The following CAPN7 variants were observed in gnomAD, a reference collection of about 807,000 sequenced individuals.
CAPN7 encodes calpain-7.
CAPN7 carries 72 observed loss-of-function variants against 115.2 expected under a neutral mutation model. The ratio of observed to expected loss-of-function variants is 0.63; its 90% CI spans 0.52 to 0.76. CAPN7 has a LOEUF of 0.76. Ranked by LOEUF, CAPN7 falls within the 30% of genes least tolerant of loss-of-function variation. CAPN7 has a pLI of 0.00. For missense variants in CAPN7, 905 were observed against 971.5 expected (o/e 0.93, Z 0.91); for synonymous variants, 344 against 322.3 (o/e 1.07, Z -0.72).
chr3:15,216,429 C>G (rs923840191), intron 2 of CAPN7, among the ~76,000 whole-genome samples: 24 of 152,194 alleles, frequency 1.6e-4, no homozygotes, highest in Non-Finnish European at 2.8e-4. Flanking sequence ...TGAATGCCAT[C>G]TTTGGAGAAA....
intron 19 of CAPN7, among the ~76,000 whole-genome samples, chr3:15,248,179 A>T (rs988770187): frequency 4.6e-5 from 7 of 152,012 alleles, no homozygotes; most frequent in African/African-American, 7.2e-5. Context: ...GTATAATAAA[A>T]AAATAAATAA....
At chr3:15,210,041 C>T (rs1363708826) in intron 1 of CAPN7, among the ~76,000 whole-genome samples, 2 of 152,140 alleles carry the variant, frequency 1.3e-5, no homozygotes, top group Non-Finnish European at 2.9e-5. Context: ...CATTCTGTCA[C>T]CCAGGCTGGC....
intron 17 of CAPN7, chr3:15,246,454 A>G (rs1695663644): frequency 2.7e-6 from 1 of 376,638 alleles, no homozygotes; most frequent in African/African-American, 2.2e-5. Flanking sequence ...GATGAAAGGG[A>G]CATTGGGAGC....
At chr3:15,213,715 ATTATTC>A (rs2045078816) in intron 2 of CAPN7, among the ~76,000 whole-genome samples, 1 of 152,184 alleles carries the variant, frequency 6.6e-6, no homozygotes, top group South Asian at 2.1e-4. Flanking sequence ...AATTTTAAAA[ATTATTC>A]TTACTTTATA....
Position 15,223,527 on chromosome 3 carries a change from C to T in CAPN7, c.691C>T (p.Leu231=). The T allele has an allele frequency of 6.2e-7, 1 of 1,606,346 alleles. No homozygotes were observed. The highest frequency in any genetic ancestry group is 8.5e-7 in the Non-Finnish European group (1 of 1,176,532). Residue 231 remains leucine, a synonymous_variant, in exon 6 of 21, where the codon CTG becomes TTG. Transcript: ENST00000253693. ...ATATGTTCCTTTCATGAATGTTGAC[C>T]TGAGAGAACGTTTTGCCTATCCAAT... The part of the protein sequence containing the change: ...IEYVPFMNVD[L]RERFAYPMPF...
chr3:15,228,005 A>T, intron 7 of CAPN7, 40 bp downstream of exon 7: 1 of 1,359,200 alleles, frequency 7.4e-7, no homozygotes, highest in Non-Finnish European at 9.6e-7. Flanking sequence ...AAAAGTCAGC[A>T]TTTTAAAGTA....
chr3:15,238,461 T>C (rs977415431), intron 12 of CAPN7, among the ~76,000 whole-genome samples: 1 of 152,102 alleles, frequency 6.6e-6, no homozygotes, highest in Non-Finnish European at 1.5e-5. Flanking sequence ...TTCAAGCATT[T>C]ATCTCTAGGA....
At chr3:15,230,950 A>G (rs1301185350) in intron 9 of CAPN7, among the ~76,000 whole-genome samples, 2 of 152,216 alleles carry the variant, frequency 1.3e-5, no homozygotes, top group Non-Finnish European at 2.9e-5. Context: ...ATATATATGC[A>G]TAATTTTAAT....
chr3:15,230,292 C>CA (rs778905396), intron 8 of CAPN7, 150 bp from the exon 9 acceptor site: 10 of 487,530 alleles, frequency 2.1e-5, no homozygotes, highest in Non-Finnish European at 3.8e-5. Context: ...GGGTGTAGTT[C>CA]ATTTTCTAGG....
intron 1 of CAPN7, among the ~76,000 whole-genome samples, chr3:15,208,395 C>T (rs887941423): frequency 1.3e-5 from 2 of 151,688 alleles, no homozygotes; most frequent in African/African-American, 4.8e-5. Context: ...TCAAGCAATC[C>T]TCCTGCCTCA....
At chr3:15,220,687 A>T (rs1242748862) in intron 4 of CAPN7, 94 bp from the exon 5 acceptor site, 11 of 1,018,556 alleles carry the variant, frequency 1.1e-5, no homozygotes, top group African/African-American at 1.6e-5. Context: ...TACATTAGGG[A>T]TGCTTGACTG....
intron 7 of CAPN7, among the ~76,000 whole-genome samples, 195 bp from the exon 8 acceptor site, chr3:15,228,779 A>C (rs1435999433): frequency 1.3e-5 from 2 of 152,176 alleles, no homozygotes; most frequent in Non-Finnish European, 2.9e-5. Context: ...TGGGTGTTGA[A>C]ATAATATGTA....
chr3:15,236,219 A>C (rs1559404480), intron 12 of CAPN7, among the ~76,000 whole-genome samples: 1 of 152,218 alleles, frequency 6.6e-6, no homozygotes, highest in Non-Finnish European at 1.5e-5. Flanking sequence ...GCTGGGCATA[A>C]GATACATGCC....
chr3:15,243,752 CAAAG>C (rs1466705526), intron 16 of CAPN7, among the ~76,000 whole-genome samples: 3 of 138,046 alleles, frequency 2.2e-5, no homozygotes, highest in East Asian at 2.2e-4. Context: ...CTTACGAACA[CAAAG>C]AAGGAAACAA....
chr3:15,232,406 C>T lies in CAPN7; in HGVS notation c.1033-113C>T, dbSNP rs186089110. 36 of 754,738 alleles carry T rather than the reference C, an allele frequency of 4.8e-5. No homozygotes were observed. In the African/African-American group the frequency reaches 6.2e-4, roughly 13 times the overall value. The allele number at this position is 754,738 out of a possible 1,614,324, so 46.8% of individuals were successfully genotyped here. ...CTAGAAACATTACCTTAATAGCCGT[C>T]AGCATATTGTGCGTTATATTTTATC... is the stretch of plus-strand genomic sequence containing the variant. On this transcript the variant is annotated intron_variant, in intron 9 of 20. Transcript: ENST00000253693.
At chr3:15,231,031 C>G (rs1234566043) in intron 9 of CAPN7, among the ~76,000 whole-genome samples, 1 of 152,134 alleles carries the variant, frequency 6.6e-6, no homozygotes, top group Non-Finnish European at 1.5e-5. Flanking sequence ...GGTTCTCCAC[C>G]ACCTGTCCAT....
rs1575168443 is a variant in CAPN7, at chr3:15,217,278, C to CT, written c.212-141dup. On this transcript the variant is annotated intron_variant, in intron 2 of 20. Coordinates refer to ENST00000253693, the MANE Select transcript of CAPN7 (RefSeq NM_014296.3). ...AAAAAAAGAAGGGAGGAAATTTGTC[C>CT]TTTTTTAAGGATTTTTTTAACCTTG... 1.2e-5 allele frequency: 8 copies of CT among 672,772 alleles called. No individual in the cohort carries two copies. The East Asian group carries it at 2.3e-4, about 19-fold the overall frequency. The allele number at this position is 672,772 out of a possible 1,614,324, so 41.7% of individuals were successfully genotyped here.
chr3:15,223,339 A>G (rs1262306970), intron 5 of CAPN7, 136 bp from the exon 6 acceptor site: 2 of 626,210 alleles, frequency 3.2e-6, no homozygotes, highest in African/African-American at 3.7e-5. Flanking sequence ...TTGTCCAAAG[A>G]TATATCAACA....
At chr3:15,238,849 ATTTTTTTT>A (rs59838740) in intron 12 of CAPN7, among the ~76,000 whole-genome samples, 47 of 113,998 alleles carry the variant, frequency 4.1e-4, no homozygotes, top group African/African-American at 1.7e-3. Context: ...GCAAAATCAA[ATTTTTTTT>A]TTTTTTTTTT....
Sources: gnomAD v4.1 joint callset for allele counts (sites outside exome capture counted in the v4.1 genomes callset) on GRCh38, gnomAD v4.1.1 for gene constraint, MANE v1.5 for transcripts, NCBI Gene and HGNC (gene_info 2026-07-23, HGNC 2026-07-21) for gene names.